Variants in PLD5 observed in about 807,000 individuals in gnomAD.
The protein encoded by PLD5 is phospholipase D family member 5.
Under a neutral mutation model 61.1 loss-of-function variants are expected in PLD5, and 36 were observed. The observed-to-expected ratio is 0.59, with a 90% confidence interval of 0.45 to 0.78. The LOEUF is 0.78. Ranked by LOEUF, PLD5 falls within the 30% of genes least tolerant of loss-of-function variation. The probability of loss-of-function intolerance (pLI) is 0.00; values close to 1 mark genes in which losing one functional copy is unlikely to be tolerated. For synonymous variants in PLD5, 243 were observed against 242.8 expected, an observed-to-expected ratio of 1.00 and a Z score of -0.01; for missense variants, 515 against 644.4, an observed-to-expected ratio of 0.80 and a Z score of 2.17.
At chr1:242,370,910 A>G (rs1298655803) in intron 1 of PLD5, among the ~76,000 whole-genome samples, 1 of 152,168 alleles carries the variant, frequency 6.6e-6, no homozygotes, top group African/African-American at 2.4e-5. Context: ...AATATATCAA[A>G]ATAAGTCCAA....
chr1:242,499,685 G>C (rs565181640), intron 1 of PLD5, among the ~76,000 whole-genome samples: 1 of 152,314 alleles, frequency 6.6e-6, no homozygotes, highest in South Asian at 2.1e-4. Context: ...TTTTAAGGAA[G>C]TGTTCCAGTT....
intron 1 of PLD5, among the ~76,000 whole-genome samples, chr1:242,512,173 A>G (rs959041539): frequency 5.3e-5 from 8 of 151,712 alleles, no homozygotes; most frequent in East Asian, 3.9e-4. Context: ...GCACTTTGGG[A>G]GGCCAAGGAG....
At chr1:242,494,639 C>G (rs1390145761) in intron 1 of PLD5, among the ~76,000 whole-genome samples, 1 of 152,106 alleles carries the variant, frequency 6.6e-6, no homozygotes, top group Non-Finnish European at 1.5e-5. Context: ...AAACCCCAGC[C>G]AAGGTTTATT....
chr1:242,289,039 T>C (rs1314353892), intron 2 of PLD5, among the ~76,000 whole-genome samples: 1 of 152,196 alleles, frequency 6.6e-6, no homozygotes, highest in Non-Finnish European at 1.5e-5. Context: ...TCCTAGCCTA[T>C]GGTGTAAAGT....
At chr1:242,284,197 G>A (rs1674891570) in intron 3 of PLD5, among the ~76,000 whole-genome samples, 1 of 126,500 alleles carries the variant, frequency 7.9e-6, no homozygotes, top group African/African-American at 3.1e-5. Context: ...GAGTGCAGTG[G>A]CTCAATCTCA....
intron 5 of PLD5, among the ~76,000 whole-genome samples, chr1:242,131,808 C>CACCAGAAAA: frequency 6.7e-6 from 1 of 149,730 alleles, no homozygotes; most frequent in African/African-American, 2.5e-5. Context: ...CACGTAATTA[C>CACCAGAAAA]ACCAGAAAAG....
chr1:242,477,002 T>A (rs958980209), intron 1 of PLD5, among the ~76,000 whole-genome samples: 23 of 152,210 alleles, frequency 1.5e-4, no homozygotes, highest in African/African-American at 5.5e-4. Context: ...ATAATCCCAA[T>A]ACTTTGGGAG....
At chr1:242,182,603 G>A (rs557938483) in intron 5 of PLD5, among the ~76,000 whole-genome samples, 2 of 152,296 alleles carry the variant, frequency 1.3e-5, no homozygotes, top group East Asian at 1.9e-4. Flanking sequence ...AGCACTTTGG[G>A]AGGCCGAGGC....
At chr1:242,326,719 G>A (rs1292215981) in intron 2 of PLD5, among the ~76,000 whole-genome samples, 2 of 151,690 alleles carry the variant, frequency 1.3e-5, no homozygotes, top group Non-Finnish European at 1.5e-5. Context: ...TGTGTGTTTT[G>A]TTTTTGAGAC....
chr1:242,264,448 G>A, intron 4 of PLD5, among the ~76,000 whole-genome samples: 1 of 152,186 alleles, frequency 6.6e-6, no homozygotes, highest in Non-Finnish European at 1.5e-5. Flanking sequence ...TCTTCAGGAG[G>A]AAGGGCCGCT....
chr1:242,173,743 A>T (rs1252771097), intron 5 of PLD5, among the ~76,000 whole-genome samples: 1 of 152,134 alleles, frequency 6.6e-6, no homozygotes, highest in Non-Finnish European at 1.5e-5. Context: ...AAATAATACC[A>T]CACATCTACA....
intron 5 of PLD5, among the ~76,000 whole-genome samples, chr1:242,184,445 C>T (rs1183714953): frequency 6.6e-6 from 1 of 152,038 alleles, no homozygotes; most frequent in Non-Finnish European, 1.5e-5. Flanking sequence ...AGTGCAGTGG[C>T]GCGATCTCCA....
chr1:242,105,145 C>T (rs1660945982), intron 8 of PLD5, among the ~76,000 whole-genome samples: 1 of 151,712 alleles, frequency 6.6e-6, no homozygotes, highest in South Asian at 2.1e-4. Context: ...GAAGGAATAC[C>T]AAGTACCACT....
intron 7 of PLD5, 57 bp downstream of exon 7, chr1:242,113,833 A>G: frequency 6.4e-7 from 1 of 1,553,278 alleles, no homozygotes. Flanking sequence ...TGTGGTGCCC[A>G]GTTTAGTGCC....
intron 9 of PLD5, among the ~76,000 whole-genome samples, chr1:242,093,593 C>T (rs1246912510): frequency 1.3e-5 from 2 of 152,122 alleles, no homozygotes; most frequent in Non-Finnish European, 2.9e-5. Context: ...AGCTGAGGTT[C>T]AAAGCCAGGT....
intron 3 of PLD5, among the ~76,000 whole-genome samples, chr1:242,284,159 A>G (rs1405928507): frequency 1.8e-5 from 2 of 109,074 alleles, no homozygotes; most frequent in Admixed American, 2.7e-4. Context: ...TTATAGATAC[A>G]CAGAGTCTCA....
At chr1:242,158,852 CA>C (rs1215994568) in intron 5 of PLD5, among the ~76,000 whole-genome samples, 3 of 152,142 alleles carry the variant, frequency 2.0e-5, no homozygotes, top group African/African-American at 7.2e-5. Flanking sequence ...ATTCTTCCCT[CA>C]ACTGTGCCCA....
chr1:242,470,920 A>AG (rs1337321525), intron 1 of PLD5, among the ~76,000 whole-genome samples: 1 of 152,148 alleles, frequency 6.6e-6, no homozygotes, highest in Non-Finnish European at 1.5e-5. Flanking sequence ...CTCCCCTTTG[A>AG]GGTTAGTGGG....
intron 1 of PLD5, among the ~76,000 whole-genome samples, chr1:242,352,540 G>A (rs1350585926): frequency 2.6e-5 from 4 of 152,108 alleles, no homozygotes; most frequent in Non-Finnish European, 5.9e-5. Context: ...TCAACATACC[G>A]ATTTAAAATC....
Sources: gnomAD v4.1 joint callset for allele counts (sites outside exome capture counted in the v4.1 genomes callset) on GRCh38, gnomAD v4.1.1 for gene constraint, MANE v1.5 for transcripts, NCBI Gene and HGNC (gene_info 2026-07-23, HGNC 2026-07-21) for gene names.